Variants in SIGLECL1 observed in about 807,000 individuals in gnomAD.
SIGLECL1 encodes the protein SIGLEC family like 1, also known as SIGLEC family-like protein 1.
In SIGLECL1, 16 loss-of-function variants were observed where a neutral mutation model predicts 19.1. That is an observed-to-expected ratio of 0.84 (90% CI 0.57 to 1.27). The LOEUF (loss-of-function observed/expected upper bound fraction) is 1.27, where lower values mean the gene tolerates loss of function less well. SIGLECL1 is among the 50% of genes most tolerant of loss of function. The probability of loss-of-function intolerance (pLI) is 0.00; values close to 1 mark genes in which losing one functional copy is unlikely to be tolerated. For synonymous variants in SIGLECL1, 89 were observed against 90.4 expected (o/e 0.98, Z 0.09); for missense variants, 210 against 239.4 (o/e 0.88, Z 0.81).
upstream of SIGLECL1, among the ~76,000 whole-genome samples, chr19:51,247,885 G>C (rs1022990653): frequency 6.6e-6 from 1 of 152,138 alleles, no homozygotes; most frequent in African/African-American, 2.4e-5. Context: ...GAATTCCTTT[G>C]TTATCACATT....
chr19:51,252,608 T>C (rs985592467), intron 1 of SIGLECL1, among the ~76,000 whole-genome samples: 13 of 152,028 alleles, frequency 8.6e-5, no homozygotes, highest in African/African-American at 2.4e-4. Context: ...AAATTGACAA[T>C]GCAAAAAGAA....
At chr19:51,247,401 G>A (rs371914839), upstream of SIGLECL1, among the ~76,000 whole-genome samples, 15 of 150,872 alleles carry the variant, frequency 9.9e-5, no homozygotes, top group East Asian at 7.7e-4. Flanking sequence ...AGTTCACTAC[G>A]AAAACCACTA....
At chr19:51,252,672 G>A (rs972658936) in intron 1 of SIGLECL1, among the ~76,000 whole-genome samples, 8 of 152,250 alleles carry the variant, frequency 5.3e-5, no homozygotes, top group African/African-American at 1.7e-4. Context: ...AAACTTGGGC[G>A]ATATCTTTTT....
At position 51,252,873 on chromosome 19, in the gene SIGLECL1, C is replaced by A. The variant is rs1458109821; in HGVS notation, c.-191+1328C>A. Among the ~76,000 whole-genome samples the A allele has an allele frequency of 2.0e-5, 3 of 152,108 alleles. No homozygotes were observed. In the East Asian group the frequency reaches 5.8e-4, roughly 29 times the overall value. On this transcript the variant is annotated intron_variant, in intron 1 of 5. Transcript: ENST00000601727. ...AGTGTGTTGGTTCACGGCTGCAATC[C>A]CAGCACTTTGGGAGGCTGAGGTGAG...
Position 51,264,068 on chromosome 19 carries a change from A to G in SIGLECL1, c.-5A>G, listed in dbSNP as rs747929636. The G allele has an allele frequency of 6.2e-7, 1 of 1,614,030 alleles. No homozygotes were observed. Among genetic ancestry groups the G allele is most frequent in the Non-Finnish European group, 8.5e-7 (1 of 1,179,954 alleles). ...TGTTCCTGAGAACTGTTGCTGCTGG[A>G]AGTGATGCTTCCACTGCTACAGCTG... On this transcript the variant is annotated 5_prime_UTR_variant, in exon 2 of 6. Coordinates refer to ENST00000601727, the MANE Select transcript of SIGLECL1 (RefSeq NM_001385465.1).
Position 51,265,526 on chromosome 19 carries a change from A to G in SIGLECL1, c.181A>G (p.Met61Val). ...TGGCAGCCTCCAAGTGACTTCCACC[A>G]TGCTTGGCCCCTGGGCTAACAGCAC... ...MDGSLQVTST[M>V]LGPWANSTIS... Residue 61 changes from methionine to valine, a missense_variant, in exon 3 of 6, where the codon ATG becomes GTG. Met to Val is a conservative substitution (Grantham distance 21, BLOSUM62 1). Coordinates refer to ENST00000601727, the MANE Select transcript of SIGLECL1 (RefSeq NM_001385465.1). The G allele has an allele frequency of 6.2e-7, 1 of 1,614,134 alleles. No homozygotes were observed. The highest frequency in any genetic ancestry group is 1.1e-5 in the South Asian group (1 of 91,086).
Position 51,265,434 on chromosome 19 carries a change from A to C in SIGLECL1, c.89A>C (p.His30Pro), listed in dbSNP as rs1364986204. The C allele has an allele frequency of 1.2e-6, 2 of 1,614,064 alleles. No homozygotes were observed. The highest frequency in any genetic ancestry group is 4.5e-5 in the East Asian group (2 of 44,858). The change falls in exon 3 of 6, where the codon CAT (histidine) becomes CCT (proline). Residue 30 changes from histidine to proline, a missense_variant. Transcript: ENST00000601727. ...EKTLQCSCSFHGIPTPSVQWW... is the reference protein window; with the variant it reads ...EKTLQCSCSFPGIPTPSVQWW... ...ACACTGCAGTGCAGCTGTTCCTTCCATGGGATTCCCACACCCTCTGTGCAG... is the reference window on the plus strand; with the variant it reads ...ACACTGCAGTGCAGCTGTTCCTTCCCTGGGATTCCCACACCCTCTGTGCAG...
chr19:51,248,277 G>A (rs1982330320), upstream of SIGLECL1, among the ~76,000 whole-genome samples: 1 of 152,178 alleles, frequency 6.6e-6, no homozygotes, highest in Non-Finnish European at 1.5e-5. Context: ...TTCCTTGTGT[G>A]CTATTTAAAC....
chr19:51,258,689 A>T (rs1003857371), intron 1 of SIGLECL1, among the ~76,000 whole-genome samples: 20 of 152,334 alleles, frequency 1.3e-4, no homozygotes, highest in African/African-American at 4.6e-4. Context: ...GATGGCAAAG[A>T]AAATTAGAGT....
Position 51,264,000 on chromosome 19 carries a change from A to G in SIGLECL1, c.-73A>G, listed in dbSNP as rs1395250229. 6.3e-7 allele frequency: 1 copy of G among 1,582,998 alleles called. No homozygotes were observed. The highest frequency in any genetic ancestry group is 1.3e-5 in the African/African-American group (1 of 74,308). ...CGCATCACCTCACTCCTTCTGAACC[A>G]TATGGTTCTGATGTCAGAGCCAGTG... On this transcript the variant is annotated 5_prime_UTR_variant, in exon 2 of 6. Transcript: ENST00000601727.
At chr19:51,252,047 C>T (rs1286884216) in intron 1 of SIGLECL1, among the ~76,000 whole-genome samples, 1 of 152,154 alleles carries the variant, frequency 6.6e-6, no homozygotes, top group Non-Finnish European at 1.5e-5. Flanking sequence ...TCTGTAATCC[C>T]AGCACTTTGG....
upstream of SIGLECL1, among the ~76,000 whole-genome samples, chr19:51,248,391 T>C (rs1192270567): frequency 6.6e-6 from 1 of 152,208 alleles, no homozygotes; most frequent in Non-Finnish European, 1.5e-5. Context: ...TGGTCTTTTT[T>C]TCCGTTCCAA....
intron 1 of SIGLECL1, among the ~76,000 whole-genome samples, chr19:51,261,936 C>G (rs146188993): frequency 9.9e-5 from 15 of 152,200 alleles, no homozygotes; most frequent in African/African-American, 3.6e-4. Context: ...GGGAGCAGAC[C>G]AGTGTAACCA....
At chr19:51,260,795 A>C (rs1424319874) in intron 1 of SIGLECL1, among the ~76,000 whole-genome samples, 3 of 152,196 alleles carry the variant, frequency 2.0e-5, no homozygotes, top group Admixed American at 2.0e-4. Flanking sequence ...GAGATTTTAA[A>C]TATTTTCATG....
At chr19:51,264,558 C>G (rs1983495660) in intron 2 of SIGLECL1, 1 of 153,080 alleles carries the variant, frequency 6.5e-6, no homozygotes. Flanking sequence ...GGAAAATTAC[C>G]CCTTTCTTCC....
At chr19:51,266,495 A>T (rs1474003454) in intron 4 of SIGLECL1, among the ~76,000 whole-genome samples, 1 of 150,372 alleles carries the variant, frequency 6.7e-6, no homozygotes, top group Admixed American at 6.6e-5. Context: ...CATTATGTAT[A>T]AACAAATATT....
At chr19:51,253,612 C>T (rs536935061) in intron 1 of SIGLECL1, among the ~76,000 whole-genome samples, 12 of 152,186 alleles carry the variant, frequency 7.9e-5, no homozygotes, top group Non-Finnish European at 1.8e-4. Flanking sequence ...ACTTCTGGTC[C>T]ACTTCCAGGA....
intron 4 of SIGLECL1, among the ~76,000 whole-genome samples, chr19:51,266,697 T>A (rs1983700630): frequency 6.6e-6 from 1 of 152,128 alleles, no homozygotes; most frequent in Non-Finnish European, 1.5e-5. Context: ...AAAGACATCC[T>A]TGGTGTTGGT....
upstream of SIGLECL1, among the ~76,000 whole-genome samples, chr19:51,246,558 G>A (rs566774530): frequency 2.9e-3 from 440 of 152,200 alleles, 2 homozygotes; most frequent in South Asian, 0.023. Context: ...CATAACAACT[G>A]TCTCAGCACT....
Sources: gnomAD v4.1 joint callset for allele counts (sites outside exome capture counted in the v4.1 genomes callset) on GRCh38, gnomAD v4.1.1 for gene constraint, MANE v1.5 for transcripts, NCBI Gene and HGNC (gene_info 2026-07-23, HGNC 2026-07-21) for gene names.